Variants in TMEM94 observed in about 807,000 individuals in gnomAD.
TMEM94 encodes the protein ER Mg2+ ATPase.
TMEM94 carries 81 observed loss-of-function variants against 158.6 expected under a neutral mutation model. That is an observed-to-expected ratio of 0.51 (90% CI 0.43 to 0.61). The LOEUF (loss-of-function observed/expected upper bound fraction) is 0.61, where lower values mean the gene tolerates loss of function less well. TMEM94 is among the 20% of genes least tolerant of loss of function. The probability of loss-of-function intolerance (pLI) is 0.00; values close to 1 mark genes in which losing one functional copy is unlikely to be tolerated. For missense variants in TMEM94, 1,435 were observed against 1,762.0 expected, an observed-to-expected ratio of 0.81 and a Z score of 3.32; for synonymous variants, 751 against 730.7, an observed-to-expected ratio of 1.03 and a Z score of -0.45.
intron 1 of TMEM94, among the ~76,000 whole-genome samples, chr17:75,465,838 G>A (rs578182570): frequency 2.6e-5 from 4 of 151,580 alleles, no homozygotes; most frequent in South Asian, 2.1e-4. Flanking sequence ...TGTGCCCAAC[G>A]TCAATTTTTT....
intron 2 of TMEM94, among the ~76,000 whole-genome samples, chr17:75,481,153 C>T (rs1350687533): frequency 6.6e-6 from 1 of 152,202 alleles, no homozygotes; most frequent in East Asian, 1.9e-4. Context: ...TCAGGAGCTC[C>T]GGGAGGCAGT....
chr17:75,492,565 A>C lies in TMEM94; in HGVS notation c.1688A>C (p.Gln563Pro). 6.2e-7 allele frequency: 1 copy of C among 1,614,074 alleles called. No individual in the cohort carries two copies. Among genetic ancestry groups the C allele is most frequent in the Non-Finnish European group, 8.5e-7 (1 of 1,180,006 alleles). The change falls in exon 15 of 32, where the codon CAG becomes CCG. Residue 563 changes from glutamine (Q) to proline (P), a missense_variant. Gln to Pro is a moderately conservative substitution (Grantham distance 76, BLOSUM62 -1). Transcript: ENST00000314256. This position sits in a 1 kb window ranked among gnomAD's most constrained non-coding sequence, Gnocchi z 4.4. The part of the protein sequence containing the change: ...LEMLSLSQDQ[Q>P]NPSCIQFDDS... ...ATGCTGAGCCTGTCCCAGGACCAGC[A>C]GAACCCCTCCTGCATCCAGTTTGAT... is the stretch of plus-strand genomic sequence containing the variant.
chr17:75,486,104 T>C, intron 4 of TMEM94, 106 bp downstream of exon 4: 1 of 1,457,042 alleles, frequency 6.9e-7, no homozygotes, highest in Non-Finnish European at 9.1e-7. Context: ...CCCAAGCTGC[T>C]CCTGGGATGT....
chr17:75,470,874 G>A (rs1877273872), intron 1 of TMEM94, among the ~76,000 whole-genome samples: 2 of 151,690 alleles, frequency 1.3e-5, no homozygotes, highest in Non-Finnish European at 1.5e-5. Context: ...AGCAAAGGTT[G>A]CGCCACTGCA....
At chr17:75,497,925 GGA>G (rs1461965355) in intron 27 of TMEM94, 63 bp downstream of exon 27, 12 of 1,466,040 alleles carry the variant, frequency 8.2e-6, no homozygotes, top group South Asian at 2.3e-5. Flanking sequence ...GATTGGGGGA[GGA>G]GAGAGGGGCT....
At chr17:75,468,335 G>A (rs1043087587) in intron 1 of TMEM94, among the ~76,000 whole-genome samples, 4 of 152,222 alleles carry the variant, frequency 2.6e-5, no homozygotes, top group Non-Finnish European at 5.9e-5. Flanking sequence ...GTTCCAGCTG[G>A]CCACAGAGTG....
Position 75,485,334 on chromosome 17 carries a change from G to A in TMEM94, c.25-94G>A. On this transcript the variant is annotated intron_variant, in intron 2 of 31. Coordinates refer to ENST00000314256, the MANE Select transcript of TMEM94 (RefSeq NM_014738.6). The surrounding 1 kb of genome is among the most constrained non-coding windows in gnomAD (Gnocchi z 5.5). The stretch of plus-strand genomic sequence containing the variant: ...ATGTGAGGATCCCAGAGGAGGGGAA[G>A]GATGAAGGGCCAGGGAAGGGGAGGG... 1 of 1,435,558 alleles carries A rather than the reference G, an allele frequency of 7.0e-7. No individual in the cohort carries two copies. Among genetic ancestry groups the A allele is most frequent in the East Asian group, 2.3e-5 (1 of 43,352 alleles). 88.9% of individuals were successfully genotyped at this position (1,435,558 alleles called of 1,614,324 possible).
intron 16 of TMEM94, 90 bp downstream of exon 16, chr17:75,493,192 G>A: frequency 7.3e-7 from 1 of 1,367,626 alleles, no homozygotes; most frequent in Non-Finnish European, 9.9e-7. Context: ...TGCTAGGGAG[G>A]CCTGGGCAGA....
At chr17:75,478,581 C>G (rs967411090) in intron 2 of TMEM94, among the ~76,000 whole-genome samples, 2 of 152,140 alleles carry the variant, frequency 1.3e-5, no homozygotes, top group Non-Finnish European at 2.9e-5. Context: ...AGTTCTTTCA[C>G]CACCCTGCTC....
intron 2 of TMEM94, among the ~76,000 whole-genome samples, chr17:75,484,688 C>T (rs1025179237): frequency 1.7e-4 from 26 of 151,846 alleles, no homozygotes; most frequent in African/African-American, 5.3e-4. Flanking sequence ...TGAGCCACCA[C>T]GCCTGGCCAA....
At chr17:75,497,696 C>A in intron 26 of TMEM94, 85 bp from the exon 27 acceptor site, 1 of 1,134,836 alleles carries the variant, frequency 8.8e-7, no homozygotes, top group Non-Finnish European at 1.3e-6. Context: ...ACCTCACGCG[C>A]AAGACTCCCT....
At position 75,489,656 on chromosome 17, in the gene TMEM94, G is replaced by T. The variant is rs764054716; in HGVS notation, c.948G>T (p.Gln316His). 6.2e-7 allele frequency: 1 copy of T among 1,613,354 alleles called. No individual in the cohort carries two copies. Among genetic ancestry groups the T allele is most frequent in the South Asian group, 1.1e-5 (1 of 91,072 alleles). The change falls in exon 9 of 32, where the codon CAG becomes CAT. Residue 316 changes from glutamine to histidine, a missense_variant. Physicochemically the swap from Gln to His is conservative, Grantham distance 24. Transcript: ENST00000314256. This position sits in a 1 kb window ranked among gnomAD's most constrained non-coding sequence, Gnocchi z 5.0. ...GVTSWQYTLL[Q>H]LQVNGVLPIL... ...CTTCCTGGCAGTACACCCTCCTCCAGCTCCAGGCAAGGACCACCCTGTCCT... is the reference window on the plus strand; with the variant it reads ...CTTCCTGGCAGTACACCCTCCTCCATCTCCAGGCAAGGACCACCCTGTCCT...
At position 75,486,236 on chromosome 17, in the gene TMEM94, T is replaced by C. The variant is rs2051592847; in HGVS notation, c.273-54T>C. 1.6e-5 allele frequency: 26 copies of C among 1,607,832 alleles called. No individual in the cohort carries two copies. The South Asian group carries it at 2.9e-4, about 18-fold the overall frequency. Reference sequence around the variant, plus strand: ...AGGGGAGCTGTGGCCTGGGGGCTGCTGGGTGGGCGAGCCCTCACTCCCTGT... The same window carrying C: ...AGGGGAGCTGTGGCCTGGGGGCTGCCGGGTGGGCGAGCCCTCACTCCCTGT... On this transcript the variant is annotated intron_variant, in intron 4 of 31. Transcript: ENST00000314256.
In TMEM94 at chr17:75,499,889, C is replaced by T. The variant is rs2053128723; in HGVS notation, c.*555C>T. ...CCTGAACCTGAAGATGGAGCAGGGC[C>T]CCCGCTTCGCCCTGGAGCCTCTTCC... On this transcript the variant is annotated 3_prime_UTR_variant, in exon 32 of 32. Coordinates refer to ENST00000314256, the MANE Select transcript of TMEM94 (RefSeq NM_014738.6). The T allele has an allele frequency of 6.4e-6, 1 of 155,488 alleles. No homozygotes were observed. The highest frequency in any genetic ancestry group is 1.4e-5 in the Non-Finnish European group (1 of 69,746). The allele number at this position is 155,488 out of a possible 1,614,324, so 9.6% of individuals were successfully genotyped here.
intron 1 of TMEM94, among the ~76,000 whole-genome samples, chr17:75,463,100 ATG>A (rs1432146652): frequency 0.028 from 341 of 12,304 alleles, 47 homozygotes; most frequent in African/African-American, 0.12. Flanking sequence ...ACACATATAT[ATG>A]TGTGTATATA....
intron 1 of TMEM94, among the ~76,000 whole-genome samples, chr17:75,465,254 C>T (rs1444728785): frequency 6.6e-5 from 10 of 151,890 alleles, no homozygotes; most frequent in Non-Finnish European, 1.5e-5. Context: ...TCAAGTCATC[C>T]TCCCCCGTCA....
At chr17:75,465,679 A>ATAT (rs1247855961) in intron 1 of TMEM94, among the ~76,000 whole-genome samples, 2 of 124,848 alleles carry the variant, frequency 1.6e-5, no homozygotes, top group Admixed American at 8.2e-5. Flanking sequence ...ATATATATAT[A>ATAT]TTTTTTTTTA....
At chr17:75,490,182 C>T (rs2052033237) in intron 9 of TMEM94, 52 bp from the exon 10 acceptor site, 3 of 1,598,324 alleles carry the variant, frequency 1.9e-6, no homozygotes, top group African/African-American at 2.7e-5. Flanking sequence ...TCCCTTCCCT[C>T]CTCCCCAGGC....
chr17:75,497,492 T>C lies in TMEM94; in HGVS notation c.3408-289T>C, dbSNP rs558686059. Among the ~76,000 whole-genome samples the C allele has an allele frequency of 1.6e-3, 249 of 152,126 alleles. 2 individuals are homozygous for C. The Middle Eastern group carries it at 0.044, about 27-fold the overall frequency. On this transcript the variant is annotated intron_variant, in intron 26 of 31. Coordinates refer to ENST00000314256, the MANE Select transcript of TMEM94 (RefSeq NM_014738.6). ...CCTCAGCCCCCTGAGTAGCTGGGATTACAGGCACCCACTATCATGCCTGGC... is the reference window on the plus strand; with the variant it reads ...CCTCAGCCCCCTGAGTAGCTGGGATCACAGGCACCCACTATCATGCCTGGC...
Sources: allele counts gnomAD v4.1 joint callset (sites outside exome capture counted in the v4.1 genomes callset), GRCh38; gene constraint gnomAD v4.1.1; non-coding constraint Gnocchi (gnomAD v3.1); transcripts MANE v1.5; gene names NCBI Gene and HGNC (gene_info 2026-07-23, HGNC 2026-07-21).